The following TSPAN12 variants were observed in gnomAD, a reference collection of about 807,000 sequenced individuals.
The protein encoded by TSPAN12 is tetraspanin 12, also known as tetraspanin-12.
In TSPAN12, 19 loss-of-function variants were observed where a neutral mutation model predicts 39.2. The observed-to-expected ratio is 0.49, with a 90% CI of 0.34 to 0.71. TSPAN12 has a LOEUF of 0.71. Among genes scored for constraint, TSPAN12 ranks in the 30% least tolerant of loss-of-function variants. The pLI is 0.01. For synonymous variants in TSPAN12, 119 were observed against 124.8 expected (o/e 0.95, Z 0.31); for missense variants, 314 against 359.9 (o/e 0.87, Z 1.03).
At chr7:120,853,872 C>CAAAA (rs749642006) in intron 2 of TSPAN12, among the ~76,000 whole-genome samples, 1 of 97,774 alleles carries the variant, frequency 1.0e-5, no homozygotes. Flanking sequence ...GACTCCGTCC[C>CAAAA]AAAAAAAAAA....
intron 7 of TSPAN12, among the ~76,000 whole-genome samples, chr7:120,799,906 A>G (rs2116324790): frequency 7.0e-6 from 1 of 143,002 alleles, no homozygotes; most frequent in Admixed American, 7.3e-5. Context: ...TATTTAATAT[A>G]TTTATTATAT....
intron 2 of TSPAN12, among the ~76,000 whole-genome samples, chr7:120,855,759 T>C (rs1466000261): frequency 1.3e-5 from 2 of 152,150 alleles, no homozygotes; most frequent in Non-Finnish European, 1.5e-5. Flanking sequence ...AGAGACCACA[T>C]GTAATAGCCC....
intron 4 of TSPAN12, among the ~76,000 whole-genome samples, chr7:120,837,404 C>T (rs7789807): frequency 0.054 from 8,268 of 151,752 alleles, 555 homozygotes; most frequent in East Asian, 0.32. Context: ...CTCCGCCTCC[C>T]GGGTTCACAC....
chr7:120,814,618 T>C (rs1794045355), intron 5 of TSPAN12, among the ~76,000 whole-genome samples: 1 of 152,136 alleles, frequency 6.6e-6, no homozygotes, highest in African/African-American at 2.4e-5. Context: ...ATGCACTAAT[T>C]TCCCTCAATG....
At chr7:120,846,067 AAGCAGGCAC>A (rs1438913719) in intron 2 of TSPAN12, among the ~76,000 whole-genome samples, 1 of 152,198 alleles carries the variant, frequency 6.6e-6, no homozygotes, top group Non-Finnish European at 1.5e-5. Context: ...GTGGAAGGGG[AAGCAGGCAC>A]ATCTTACCTG....
At chr7:120,851,132 G>A (rs1256141643) in intron 2 of TSPAN12, among the ~76,000 whole-genome samples, 1 of 152,176 alleles carries the variant, frequency 6.6e-6, no homozygotes, top group Non-Finnish European at 1.5e-5. Flanking sequence ...AATTTAAAAT[G>A]TAGTATTTTA....
chr7:120,827,192 A>AT (rs925602198), intron 4 of TSPAN12, among the ~76,000 whole-genome samples: 67 of 150,664 alleles, frequency 4.4e-4, no homozygotes, highest in South Asian at 1.3e-3. Context: ...TCTAAATCAC[A>AT]TTTTTTTTTG....
Position 120,788,299 on chromosome 7 carries a change from A to C in TSPAN12, c.*293T>G. Reference sequence around the variant, plus strand: ...TCGTTTGCATGGATGCGGAAATGCTAATCAAACCATGCTGCCTCAAAACAT... The same window carrying C: ...TCGTTTGCATGGATGCGGAAATGCTCATCAAACCATGCTGCCTCAAAACAT... On this transcript the variant is annotated 3_prime_UTR_variant, in exon 8 of 8. Transcript: ENST00000222747. 2.4e-6 allele frequency: 1 copy of C among 416,666 alleles called. No homozygotes were observed. The highest frequency in any genetic ancestry group is 4.4e-6 in the Non-Finnish European group (1 of 226,100). The allele number at this position is 416,666 out of a possible 1,614,324, so 25.8% of individuals were successfully genotyped here.
chr7:120,813,476 TC>T (rs1794021020), intron 5 of TSPAN12, among the ~76,000 whole-genome samples: 1 of 152,214 alleles, frequency 6.6e-6, no homozygotes, highest in African/African-American at 2.4e-5. Context: ...TTCAATTTCC[TC>T]ATATTTCTTA....
chr7:120,816,447 T>C (rs1355074890), intron 4 of TSPAN12, among the ~76,000 whole-genome samples: 1 of 151,100 alleles, frequency 6.6e-6, no homozygotes, highest in East Asian at 1.9e-4. Flanking sequence ...TAGAGAAATA[T>C]GCAGTGTTCC....
chr7:120,796,887 A>G (rs1288694417), intron 7 of TSPAN12, among the ~76,000 whole-genome samples: 1 of 152,164 alleles, frequency 6.6e-6, no homozygotes, highest in Non-Finnish European at 1.5e-5. Context: ...TGGGCACGGT[A>G]GCTCACGCCT....
At position 120,838,827 on chromosome 7, in the gene TSPAN12, TC is replaced by T. The variant is rs1794526220; in HGVS notation, c.234del (p.Met79CysfsTer2). 1 of 1,613,618 alleles carries T rather than the reference TC, an allele frequency of 6.2e-7. No individual in the cohort carries two copies. The highest frequency in any genetic ancestry group is 8.5e-7 in the Non-Finnish European group (1 of 1,179,868). Reference sequence around the variant, plus strand: ...TTCACCGTTCCACAATATCCTAACATCCCCACAATGATAAGGAAACAGCAAA... The same window carrying T: ...TTCACCGTTCCACAATATCCTAACATCCCACAATGATAAGGAAACAGCAAA... Reference protein sequence around the residue: ...IAVCCFLIIVGMLGYCGTVKR... With the variant: ...IAVCCFLIIVXMLGYCGTVKR... On this transcript the variant is annotated frameshift_variant, in exon 4 of 8. Coordinates refer to ENST00000222747, the MANE Select transcript of TSPAN12 (RefSeq NM_012338.4). LOFTEE classifies it high-confidence loss of function.
At chr7:120,812,756 T>C (rs1434063968) in intron 5 of TSPAN12, among the ~76,000 whole-genome samples, 1 of 152,142 alleles carries the variant, frequency 6.6e-6, no homozygotes, top group African/African-American at 2.4e-5. Flanking sequence ...TAAATTAATA[T>C]TATCTCATAA....
At chr7:120,794,494 G>GGA (rs1251561420) in intron 7 of TSPAN12, among the ~76,000 whole-genome samples, 1 of 152,048 alleles carries the variant, frequency 6.6e-6, no homozygotes, top group African/African-American at 2.4e-5. Context: ...CTCTCTCTCC[G>GGA]GTTCCTGCTT....
chr7:120,806,592 G>A lies in TSPAN12; in HGVS notation c.569C>T (p.Ser190Phe), dbSNP rs778606719. 6.2e-7 allele frequency: 1 copy of A among 1,613,452 alleles called. No homozygotes were observed. The highest frequency in any genetic ancestry group is 8.5e-7 in the Non-Finnish European group (1 of 1,179,598). The change falls in exon 7 of 8, where the codon TCC becomes TTC. Residue 190 changes from serine (S) to phenylalanine (F), a missense_variant. Physicochemically the swap from Ser to Phe is radical, Grantham distance 155. Transcript: ENST00000222747. ...SCCVREFPGC[S>F]KQAHQEDLSD... ...GAGATCTTCCTGGTGGGCCTGTTTG[G>A]AACATCCTGGGAATTCTCTAACACA...
chr7:120,802,098 A>G (rs893736491), intron 7 of TSPAN12, among the ~76,000 whole-genome samples: 5 of 152,158 alleles, frequency 3.3e-5, no homozygotes, highest in African/African-American at 1.2e-4. Flanking sequence ...TCAGTAACTG[A>G]TATGATGAAA....
At position 120,812,416 on chromosome 7, in the gene TSPAN12, C is replaced by T. The variant is rs77731398; in HGVS notation, c.361-1846G>A. On this transcript the variant is annotated intron_variant, in intron 5 of 7. Transcript: ENST00000222747. ...TTAGTAAAGCAAGCTTGACATTCAA[C>T]AAATAACACAAAGATAGAGAACCAA... is the stretch of plus-strand genomic sequence containing the variant. Among the ~76,000 whole-genome samples the T allele has an allele frequency of 1.2e-4, 18 of 152,122 alleles. No individual in the cohort carries two copies. In the East Asian group the frequency reaches 2.9e-3, roughly 24 times the overall value.
intron 2 of TSPAN12, among the ~76,000 whole-genome samples, chr7:120,856,317 C>T (rs759716112): frequency 6.6e-6 from 1 of 152,064 alleles, no homozygotes; most frequent in Admixed American, 6.6e-5. Flanking sequence ...ATTTTACAGG[C>T]GACAGAGATG....
chr7:120,833,312 A>T (rs531588294), intron 4 of TSPAN12, among the ~76,000 whole-genome samples: 15 of 152,202 alleles, frequency 9.9e-5, no homozygotes, highest in Non-Finnish European at 2.1e-4. Flanking sequence ...ATTCATGACT[A>T]TGTAAGAGAA....
Sources: gnomAD v4.1 joint callset for allele counts (sites outside exome capture counted in the v4.1 genomes callset) on GRCh38, gnomAD v4.1.1 for gene constraint, MANE v1.5 for transcripts, NCBI Gene and HGNC (gene_info 2026-07-23, HGNC 2026-07-21) for gene names.